The following CIAO2B variants were observed in gnomAD, a reference collection of about 807,000 sequenced individuals.
CIAO2B encodes cytosolic iron-sulfur assembly component 2B.
In CIAO2B, 20 loss-of-function variants were observed where a neutral mutation model predicts 16.4. The ratio of observed to expected loss-of-function variants is 1.22; its 90% CI spans 0.86 to 1.77. CIAO2B has a LOEUF of 1.77. Ranked by LOEUF, CIAO2B falls within the 40% of genes most tolerant of loss-of-function variation. The pLI is 0.00. For missense variants in CIAO2B, 215 were observed against 222.4 expected, an observed-to-expected ratio of 0.97 and a Z score of 0.21; for synonymous variants, 106 against 90.4, an observed-to-expected ratio of 1.17 and a Z score of -0.98.
chr16:66,932,343 G>T (rs1963070724), intron 4 of CIAO2B, 43 bp from the exon 5 acceptor site: 2 of 1,545,982 alleles, frequency 1.3e-6, no homozygotes, highest in African/African-American at 1.4e-5. Flanking sequence ...GTCAAAGCTA[G>T]GCTCTGGCCA....
chr16:66,934,167 C>T lies in CIAO2B; in HGVS notation c.142+56G>A. On this transcript the variant is annotated intron_variant, in intron 1 of 4. Coordinates refer to ENST00000422424, the MANE Select transcript of CIAO2B (RefSeq NM_016062.4). This position sits in a 1 kb window ranked among gnomAD's most constrained non-coding sequence, Gnocchi z 4.1. ...CGGCTCCACCAGCTGCTCGATATCA[C>T]TGCTCCCCCCACCGCAAGCCCCCGG... is the stretch of plus-strand genomic sequence containing the variant. The T allele has an allele frequency of 2.5e-6, 4 of 1,609,894 alleles. No homozygotes were observed. Among genetic ancestry groups the T allele is most frequent in the Non-Finnish European group, 3.4e-6 (4 of 1,178,320 alleles).
At chr16:66,932,686 T>C in intron 4 of CIAO2B, 94 bp downstream of exon 4, 6 of 1,416,718 alleles carry the variant, frequency 4.2e-6, no homozygotes, top group Non-Finnish European at 5.9e-6. Flanking sequence ...GTTACCCATC[T>C]CCAGTCTTGC....
intron 4 of CIAO2B, chr16:66,932,520 C>G (rs1298577213): frequency 1.4e-6 from 1 of 718,178 alleles, no homozygotes; most frequent in Non-Finnish European, 2.5e-6. Flanking sequence ...TGGCTGCCTC[C>G]TGCGCTGCTG....
chr16:66,932,100 G>A lies in CIAO2B; in HGVS notation c.*103C>T, dbSNP rs1427172745. On this transcript the variant is annotated 3_prime_UTR_variant, in exon 5 of 5. Coordinates refer to ENST00000422424, the MANE Select transcript of CIAO2B (RefSeq NM_016062.4). The stretch of plus-strand genomic sequence containing the variant: ...TTAACTTTATTACAAAAAGCAAAAT[G>A]TTAGTTTCTCATTGTGAGTGATTCA... 2.5e-6 allele frequency: 2 copies of A among 803,248 alleles called. No homozygotes were observed. Among genetic ancestry groups the A allele is most frequent in the Non-Finnish European group, 3.9e-6 (2 of 518,290 alleles). 49.8% of individuals were successfully genotyped at this position (803,248 alleles called of 1,614,324 possible). A position where few individuals can be genotyped will look rare whatever the true frequency, so the allele number is the denominator to read the frequency against.
chr16:66,934,135 T>G lies in CIAO2B; in HGVS notation c.143-69A>C. 1.9e-6 allele frequency: 3 copies of G among 1,611,628 alleles called. No individual in the cohort carries two copies. Among genetic ancestry groups the G allele is most frequent in the East Asian group, 2.2e-5 (1 of 44,822 alleles). On this transcript the variant is annotated intron_variant, in intron 1 of 4. Transcript: ENST00000422424. The surrounding 1 kb of genome is among the most constrained non-coding windows in gnomAD (Gnocchi z 4.1). ...GAACCCTCTGCCAGGAACGCCCTGC[T>G]GGGATGCGGCTCCACCAGCTGCTCG...
Position 66,933,697 on chromosome 16 carries a change from T to C in CIAO2B, c.265A>G (p.Thr89Ala), listed in dbSNP as rs780182175. The C allele has an allele frequency of 5.7e-6, 9 of 1,586,654 alleles. No homozygotes were observed. The highest frequency in any genetic ancestry group is 7.7e-6 in the Non-Finnish European group (9 of 1,166,548). ...GTGGCCATGCTGCAGTGCGGAATGG[T>C]TGGTGTGAAAGCCACAGCCACTGTA... is the stretch of plus-strand genomic sequence containing the variant. ...ESTVAVAFTP[T>A]IPHCSMATLI... Residue 89 changes from threonine to alanine, a missense_variant, in exon 3 of 5, where the codon ACC becomes GCC. By Grantham distance (58) the Thr-to-Ala change is moderately conservative (BLOSUM62 0). Coordinates refer to ENST00000422424, the MANE Select transcript of CIAO2B (RefSeq NM_016062.4).
intron 2 of CIAO2B, 24 bp from the exon 3 acceptor site, chr16:66,933,763 A>T: frequency 6.4e-7 from 1 of 1,552,072 alleles, no homozygotes; most frequent in South Asian, 1.2e-5. Flanking sequence ...AGAGATGTCA[A>T]GAGTCAACCA....
chr16:66,934,042 G>C lies in CIAO2B; in HGVS notation c.167C>G (p.Pro56Arg), dbSNP rs747818964. ...CTCCTCTAGCGTCAGTGGATGCTCCGGGTCATTGATGGAGCGAATCAGATG... is the reference window on the plus strand; with the variant it reads ...CTCCTCTAGCGTCAGTGGATGCTCCCGGTCATTGATGGAGCGAATCAGATG... ...IFDLIRSIND[P>R]EHPLTLEELN... Residue 56 changes from proline (P) to arginine (R), a missense_variant, in exon 2 of 5, where the codon CCG becomes CGG. Transcript: ENST00000422424. This position sits in a 1 kb window ranked among gnomAD's most constrained non-coding sequence, Gnocchi z 4.1. The C allele has an allele frequency of 4.3e-6, 7 of 1,613,590 alleles. No homozygotes were observed. The African/African-American group carries it at 8.0e-5, about 18-fold the overall frequency.
At chr16:66,933,768 C>A in intron 2 of CIAO2B, 29 bp from the exon 3 acceptor site, 1 of 1,551,286 alleles carries the variant, frequency 6.4e-7, no homozygotes, top group South Asian at 1.2e-5. Flanking sequence ...TGTCAAGAGT[C>A]AACCACCCTC....
intron 3 of CIAO2B, among the ~76,000 whole-genome samples, chr16:66,933,136 A>G (rs998341050): frequency 2.0e-5 from 3 of 151,946 alleles, no homozygotes; most frequent in African/African-American, 7.3e-5. Flanking sequence ...CCACAGGCAC[A>G]CACCACCACG....
At position 66,934,340 on chromosome 16, in the gene CIAO2B, C is replaced by A; in HGVS notation, c.25G>T (p.Gly9Cys). 6.4e-7 allele frequency: 1 copy of A among 1,573,388 alleles called. No homozygotes were observed. The highest frequency in any genetic ancestry group is 8.6e-7 in the Non-Finnish European group (1 of 1,166,198). The change falls in exon 1 of 5, where the codon GGC becomes TGC. Residue 9 changes from glycine to cysteine, a missense_variant. Transcript: ENST00000422424. This position sits in a 1 kb window ranked among gnomAD's most constrained non-coding sequence, Gnocchi z 4.1. ...GGGTTGGCATTCTCCAGGAGGCCGC[C>A]GCCGACCCCGCCGCCGCCTACCATC... MVGGGGVGGGLLENANPLI... is the reference protein window; with the variant it reads MVGGGGVGCGLLENANPLI...
At chr16:66,932,378 A>T (rs1363430333) in intron 4 of CIAO2B, 78 bp from the exon 5 acceptor site, 69 of 1,124,838 alleles carry the variant, frequency 6.1e-5, no homozygotes, top group Non-Finnish European at 8.9e-5. Context: ...CCTACCTCTG[A>T]ACCTCTATAT....
At chr16:66,932,712 C>T in intron 4 of CIAO2B, 68 bp downstream of exon 4, 6 of 1,544,410 alleles carry the variant, frequency 3.9e-6, no homozygotes, top group Non-Finnish European at 5.3e-6. Context: ...GACTCCTGTG[C>T]AAGGGGGAAG....
In CIAO2B at chr16:66,932,071, TA is replaced by T; in HGVS notation, c.*131del. 1 of 631,212 alleles carries T rather than the reference TA, an allele frequency of 1.6e-6. No individual in the cohort carries two copies. The highest frequency in any genetic ancestry group is 2.7e-6 in the Non-Finnish European group (1 of 371,948). The allele number at this position is 631,212 out of a possible 1,614,324, so 39.1% of individuals were successfully genotyped here. On this transcript the variant is annotated 3_prime_UTR_variant, in exon 5 of 5. Coordinates refer to ENST00000422424, the MANE Select transcript of CIAO2B (RefSeq NM_016062.4). ...ACCAAGGCATGCTGGGAACTGAATA[TA>T]AATTAACTTTATTACAAAAAGCAAA...
chr16:66,934,043 G>T lies in CIAO2B; in HGVS notation c.166C>A (p.Pro56Thr). 6.2e-7 allele frequency: 1 copy of T among 1,613,698 alleles called. No homozygotes were observed. Residue 56 changes from proline (P) to threonine (T), a missense_variant, in exon 2 of 5, where the codon CCG (proline) becomes ACG (threonine). By Grantham distance (38) the Pro-to-Thr change is conservative. Coordinates refer to ENST00000422424, the MANE Select transcript of CIAO2B (RefSeq NM_016062.4). The surrounding 1 kb of genome is among the most constrained non-coding windows in gnomAD (Gnocchi z 4.1). ...IFDLIRSIND[P>T]EHPLTLEELN... ...TCCTCTAGCGTCAGTGGATGCTCCG[G>T]GTCATTGATGGAGCGAATCAGATGT...
At position 66,934,398 on chromosome 16, in the gene CIAO2B, G is replaced by A. The variant is rs921946838; in HGVS notation, c.-34C>T. ...CACCACCGCTGATCCTAGCAGGCGT[G>A]CGCTTCCGCTCCAACCCGCGCACTT... On this transcript the variant is annotated 5_prime_UTR_variant, in exon 1 of 5. Transcript: ENST00000422424. The surrounding 1 kb of genome is among the most constrained non-coding windows in gnomAD (Gnocchi z 4.1). The A allele has an allele frequency of 1.4e-5, 21 of 1,485,634 alleles. No individual in the cohort carries two copies. Among genetic ancestry groups the A allele is most frequent in the Non-Finnish European group, 1.8e-5 (20 of 1,122,848 alleles). The allele number at this position is 1,485,634 out of a possible 1,614,324, so 92.0% of individuals were successfully genotyped here.
At chr16:66,932,738 G>A (rs147772978) in intron 4 of CIAO2B, 42 bp downstream of exon 4, 199 of 1,589,156 alleles carry the variant, frequency 1.3e-4, no homozygotes, top group Non-Finnish European at 1.6e-4. Flanking sequence ...GACTGCTTAG[G>A]GGGTGCCCGG....
Position 66,933,667 on chromosome 16 carries a change from T to G in CIAO2B, c.295A>C (p.Ile99Leu). 6.2e-7 allele frequency: 1 copy of G among 1,605,306 alleles called. No homozygotes were observed. Among genetic ancestry groups the G allele is most frequent in the Non-Finnish European group, 8.5e-7 (1 of 1,176,266 alleles). Residue 99 changes from isoleucine to leucine, a missense_variant, in exon 3 of 5, where the codon ATT becomes CTT. Physicochemically the swap from Ile to Leu is conservative, Grantham distance 5. Coordinates refer to ENST00000422424, the MANE Select transcript of CIAO2B (RefSeq NM_016062.4). The stretch of plus-strand genomic sequence containing the variant: ...AGCTTGACCTTGATGGACAGACCAA[T>G]AAGGGTGGCCATGCTGCAGTGCGGA... The part of the protein sequence containing the change: ...TIPHCSMATL[I>L]GLSIKVKLLR...
chr16:66,934,350 G>T lies in CIAO2B; in HGVS notation c.15C>A (p.Gly5=). 6.4e-7 allele frequency: 1 copy of T among 1,565,670 alleles called. No homozygotes were observed. Residue 5 remains glycine, a synonymous_variant, in exon 1 of 5, where the codon GGC becomes GGA. Transcript: ENST00000422424. The surrounding 1 kb of genome is among the most constrained non-coding windows in gnomAD (Gnocchi z 4.1). The part of the protein sequence containing the change: MVGG[G]GVGGGLLENA... ...TCTCCAGGAGGCCGCCGCCGACCCCGCCGCCGCCTACCATCGCGGAACCAC... is the reference window on the plus strand; with the variant it reads ...TCTCCAGGAGGCCGCCGCCGACCCCTCCGCCGCCTACCATCGCGGAACCAC...
Sources: gnomAD v4.1 joint callset for allele counts (sites outside exome capture counted in the v4.1 genomes callset) on GRCh38, gnomAD v4.1.1 for gene constraint, Gnocchi (gnomAD v3.1) non-coding constraint, MANE v1.5 for transcripts, NCBI Gene and HGNC (gene_info 2026-07-23, HGNC 2026-07-21) for gene names.